Variants in AGAP2 observed in about 807,000 individuals in gnomAD.
AGAP2 encodes the protein ArfGAP with GTPase domain, ankyrin repeat and PH domain 2.
In AGAP2, 32 loss-of-function variants were observed where a neutral mutation model predicts 110.9. The ratio of observed to expected loss-of-function variants is 0.29; its 90% CI spans 0.22 to 0.39. The LOEUF is 0.39. AGAP2 is among the 10% of genes least tolerant of loss of function. The pLI, the probability that AGAP2 is intolerant of heterozygous loss-of-function variation, is 1.00. For missense variants in AGAP2, 1,285 were observed against 1,638.5 expected, an observed-to-expected ratio of 0.78 and a Z score of 3.72; for synonymous variants, 702 against 713.0, an observed-to-expected ratio of 0.98 and a Z score of 0.25.
rs1955031773 is a variant in AGAP2, at chr12:57,738,355, G to A, written c.-109C>T. ...TCGCTGCCCCCAGCCCCCGGACCCC[G>A]CTGAGCCCCCGGCCCGGCTCCGCTG... is the stretch of plus-strand genomic sequence containing the variant. On this transcript the variant is annotated 5_prime_UTR_variant, in exon 1 of 19. Transcript: ENST00000547588. This position sits in a 1 kb window ranked among gnomAD's most constrained non-coding sequence, Gnocchi z 6.7. 2.4e-6 allele frequency: 3 copies of A among 1,235,690 alleles called. No homozygotes were observed. Among genetic ancestry groups the A allele is most frequent in the South Asian group, 2.5e-5 (1 of 39,894 alleles). The allele number at this position is 1,235,690 out of a possible 1,614,324, so 76.5% of individuals were successfully genotyped here.
In AGAP2 at chr12:57,734,915, G is replaced by A. The variant is rs192792801; in HGVS notation, c.1228-236C>T. Among the ~76,000 whole-genome samples, 401 of 152,062 alleles carry A rather than the reference G, an allele frequency of 2.6e-3. 1 individual carries two copies. Among genetic ancestry groups the A allele is most frequent in the African/African-American group, 9.5e-3 (392 of 41,454 alleles). Reference sequence around the variant, plus strand: ...GAAATGATCCCAAGCTCAAAGTGGAGCACGAGCTGAAGAATGTCAGCAATT... The same window carrying A: ...GAAATGATCCCAAGCTCAAAGTGGAACACGAGCTGAAGAATGTCAGCAATT... On this transcript the variant is annotated intron_variant, in intron 2 of 18. Coordinates refer to ENST00000547588, the MANE Select transcript of AGAP2 (RefSeq NM_001122772.3).
chr12:57,740,776 G>A (rs186166707), upstream of AGAP2, among the ~76,000 whole-genome samples: 1 of 152,310 alleles, frequency 6.6e-6, no homozygotes, highest in East Asian at 1.9e-4. Context: ...GACAGGAGGT[G>A]AGAGGGGCAC....
chr12:57,728,598 G>A (rs1053990492), intron 13 of AGAP2, among the ~76,000 whole-genome samples: 2 of 152,194 alleles, frequency 1.3e-5, no homozygotes, highest in African/African-American at 4.8e-5. Context: ...ATGAGAGTAG[G>A]CAGATCTGGA....
At position 57,737,325 on chromosome 12, in the gene AGAP2, C is replaced by G; in HGVS notation, c.922G>C (p.Ala308Pro). 1.9e-6 allele frequency: 3 copies of G among 1,613,840 alleles called. No homozygotes were observed. The highest frequency in any genetic ancestry group is 2.5e-6 in the Non-Finnish European group (3 of 1,179,834). ...TPSPATAVTA[A>P]SAQPPGPAPP... The stretch of plus-strand genomic sequence containing the variant: ...GCAGGCCCGGGGGGCTGCGCGGAAG[C>G]AGCGGTGACAGCAGTGGCTGGACTC... The change falls in exon 1 of 19, where the codon GCT (alanine) becomes CCT (proline). Residue 308 changes from alanine to proline, a missense_variant. Around this residue, in one of 7 missense-constraint regions of AGAP2, gnomAD observed 844 missense variants for 941.2 expected, o/e 0.90. Coordinates refer to ENST00000547588, the MANE Select transcript of AGAP2 (RefSeq NM_001122772.3). The surrounding 1 kb of genome is among the most constrained non-coding windows in gnomAD (Gnocchi z 5.9).
At chr12:57,729,871 C>T (rs1315940838) in intron 12 of AGAP2, 104 bp from the exon 13 acceptor site, 1 of 1,474,812 alleles carries the variant, frequency 6.8e-7, no homozygotes, top group East Asian at 2.4e-5. Context: ...TTTTAGGGCT[C>T]CCCTCCTCAA....
intron 6 of AGAP2, 46 bp downstream of exon 6, chr12:57,732,799 C>A (rs754115395): frequency 4.3e-6 from 7 of 1,610,666 alleles, no homozygotes; most frequent in East Asian, 2.2e-5. Context: ...ATATCCCAGG[C>A]CCCTTGCTCT....
In AGAP2 at chr12:57,731,925, G is replaced by A; in HGVS notation, c.1837C>T (p.Pro613Ser). 1 of 1,613,774 alleles carries A rather than the reference G, an allele frequency of 6.2e-7. No individual in the cohort carries two copies. The highest frequency in any genetic ancestry group is 8.5e-7 in the Non-Finnish European group (1 of 1,179,976). ...GHTSDYSSSL[P>S]SSPNVGHREL... Reference sequence around the variant, plus strand: ...CGGTGACCAACATTCGGTGAGGACGGGAGGGAAGAAGAGTAGTCGCTAGTG... The same window carrying A: ...CGGTGACCAACATTCGGTGAGGACGAGAGGGAAGAAGAGTAGTCGCTAGTG... The change falls in exon 8 of 19, where the codon CCG (proline) becomes TCG (serine). Residue 613 changes from proline (P) to serine (S), a missense_variant. Coordinates refer to ENST00000547588, the MANE Select transcript of AGAP2 (RefSeq NM_001122772.3).
In AGAP2 at chr12:57,728,054, G is replaced by A. The variant is rs201543262; in HGVS notation, c.2649C>T (p.Ser883=). ...CCTCAAAGTGCCACGTCTGACCCGT[G>A]CTGGACACGATCAGGAACTCAAAGT... ...EENFEFLIVS[S]TGQTWHFEAA... The change falls in exon 15 of 19, where the codon AGC becomes AGT. Residue 883 remains serine, a synonymous_variant. Transcript: ENST00000547588. 1 of 1,607,922 alleles carries A rather than the reference G, an allele frequency of 6.2e-7. No individual in the cohort carries two copies. Among genetic ancestry groups the A allele is most frequent in the East Asian group, 2.2e-5 (1 of 44,858 alleles).
intron 1 of AGAP2, among the ~76,000 whole-genome samples, chr12:57,736,059 G>C (rs1017032609): frequency 3.9e-5 from 6 of 152,208 alleles, no homozygotes; most frequent in African/African-American, 1.2e-4. Context: ...CTGGCCGAGA[G>C]AAGCCACAGG....
intron 1 of AGAP2, 36 bp from the exon 2 acceptor site, chr12:57,735,463 C>A (rs1159188934): frequency 2.5e-6 from 4 of 1,604,224 alleles, no homozygotes; most frequent in Non-Finnish European, 3.4e-6. Flanking sequence ...GGGGAGGCTC[C>A]TGGCTCAGAA....
upstream of AGAP2, chr12:57,739,769 A>G (rs940812197): frequency 5.3e-5 from 8 of 151,930 alleles, no homozygotes; most frequent in African/African-American, 1.9e-4. Flanking sequence ...GGAGGATTTC[A>G]CTCCCCAAGT....
chr12:57,733,029 C>A, intron 5 of AGAP2, 50 bp from the exon 6 acceptor site: 1 of 1,608,876 alleles, frequency 6.2e-7, no homozygotes, highest in South Asian at 1.1e-5. Context: ...CCACCTTGTT[C>A]GATTTTTCAC....
In AGAP2 at chr12:57,737,351, G is replaced by T. The variant is rs1345373296; in HGVS notation, c.896C>A (p.Pro299Gln). The change falls in exon 1 of 19, where the codon CCG becomes CAG. Residue 299 changes from proline (P) to glutamine (Q), a missense_variant. Physicochemically the swap from Pro to Gln is moderately conservative, Grantham distance 76. Coordinates refer to ENST00000547588, the MANE Select transcript of AGAP2 (RefSeq NM_001122772.3). The surrounding 1 kb of genome is among the most constrained non-coding windows in gnomAD (Gnocchi z 5.9). ...AGCGGTGACAGCAGTGGCTGGACTC[G>T]GAGTTGGTGGGAGGGTTAGCGGAGG... is the stretch of plus-strand genomic sequence containing the variant. ...SPPPLTLPPT[P>Q]SPATAVTAAS... 8.1e-6 allele frequency: 13 copies of T among 1,613,728 alleles called. No homozygotes were observed. The highest frequency in any genetic ancestry group is 6.7e-5 in the Admixed American group (4 of 60,012).
rs1256575334 is a variant in AGAP2, at chr12:57,726,787, G to A, written c.3344C>T (p.Ala1115Val). Reference sequence around the variant, plus strand: ...CTGGGCGTCACGGGCCGCCACGTCCGCGCCGTACTAGAGGGCGGAAACGGC... The same window carrying A: ...CTGGGCGTCACGGGCCGCCACGTCCACGCCGTACTAGAGGGCGGAAACGGC... ...VITQLLLWYG[A>V]DVAARDAQGR... The change falls in exon 19 of 19, where the codon GCG (alanine) becomes GTG (valine). Residue 1115 changes from alanine to valine, a missense_variant. Physicochemically the swap from Ala to Val is moderately conservative, Grantham distance 64. Around this residue, in one of 7 missense-constraint regions of AGAP2, gnomAD observed 201 missense variants for 276.1 expected, o/e 0.73. Transcript: ENST00000547588. This position sits in a 1 kb window ranked among gnomAD's most constrained non-coding sequence, Gnocchi z 5.7. 1 of 1,395,342 alleles carries A rather than the reference G, an allele frequency of 7.2e-7. No individual in the cohort carries two copies. The highest frequency in any genetic ancestry group is 9.3e-7 in the Non-Finnish European group (1 of 1,080,094). 86.4% of individuals were successfully genotyped at this position (1,395,342 alleles called of 1,614,324 possible).
chr12:57,724,046 G>C (rs238518), downstream of AGAP2: 150,959 of 152,640 alleles, frequency 0.99, 74,664 homozygotes, highest in East Asian at 1. Flanking sequence ...CCCCCCTCTT[G>C]TCGCTTTGCC....
At chr12:57,742,153 G>A, upstream of AGAP2, 2 of 1,511,402 alleles carry the variant, frequency 1.3e-6, no homozygotes, top group South Asian at 1.2e-5. Context: ...ACCTCAGAAG[G>A]CCCCTTCTGC....
Position 57,726,473 on chromosome 12 carries a change from GGTGCGTCTGTCCAGCGGTCC to G in AGAP2, c.*59_*78del. On this transcript the variant is annotated 3_prime_UTR_variant, in exon 19 of 19. Coordinates refer to ENST00000547588, the MANE Select transcript of AGAP2 (RefSeq NM_001122772.3). The surrounding 1 kb of genome is among the most constrained non-coding windows in gnomAD (Gnocchi z 5.7). ...GGGGTGCGGATCGGAGAGGTGAGTG[GGTGCGTCTGTCCAGCGGTCC>G]GCCCGGTGTGGTCGTGCCCGGCCCG... 1 of 1,132,904 alleles carries G rather than the reference GGTGCGTCTGTCCAGCGGTCC, an allele frequency of 8.8e-7. No homozygotes were observed. Among genetic ancestry groups the G allele is most frequent in the Non-Finnish European group, 1.1e-6 (1 of 922,178 alleles). The allele number at this position is 1,132,904 out of a possible 1,614,324, so 70.2% of individuals were successfully genotyped here.
intron 1 of AGAP2, among the ~76,000 whole-genome samples, chr12:57,736,739 C>G (rs1954989590): frequency 1.3e-5 from 2 of 152,168 alleles, no homozygotes; most frequent in Non-Finnish European, 1.5e-5. Flanking sequence ...GGCAAAGCCC[C>G]GTTTCCATGC....
At chr12:57,738,946 C>A (rs956313332), upstream of AGAP2, among the ~76,000 whole-genome samples, 30 of 151,922 alleles carry the variant, frequency 2.0e-4, no homozygotes, top group Non-Finnish European at 1.2e-4. This position sits in a 1 kb window ranked among gnomAD's most constrained non-coding sequence, Gnocchi z 6.7. Flanking sequence ...GCGCTGTGTC[C>A]GGGCGCTCCC....
Sources: gnomAD v4.1 joint callset for allele counts (sites outside exome capture counted in the v4.1 genomes callset) on GRCh38, gnomAD v4.1.1 for gene constraint, gnomAD v4.1.1 regional missense constraint, Gnocchi (gnomAD v3.1) non-coding constraint, MANE v1.5 for transcripts, NCBI Gene and HGNC (gene_info 2026-07-23, HGNC 2026-07-21) for gene names.